The following FAM107B variants were observed in gnomAD, a reference collection of about 807,000 sequenced individuals.
The protein encoded by FAM107B is family with sequence similarity 107 member B, also known as protein FAM107B.
FAM107B carries 21 observed loss-of-function variants against 31.5 expected under a neutral mutation model. The observed-to-expected ratio is 0.67, with a 90% CI of 0.47 to 0.96. The LOEUF (loss-of-function observed/expected upper bound fraction) is 0.96. Among genes scored for constraint, FAM107B ranks in the 40% least tolerant of loss-of-function variants. The probability of loss-of-function intolerance (pLI) is 0.00; values close to 1 mark genes in which losing one functional copy is unlikely to be tolerated. For synonymous variants in FAM107B, 157 were observed against 141.5 expected (o/e 1.11, Z -0.78); for missense variants, 452 against 377.1 (o/e 1.20, Z -1.64).
intron 1 of FAM107B, among the ~76,000 whole-genome samples, chr10:14,683,626 C>G (rs988867305): frequency 1.3e-5 from 2 of 152,168 alleles, no homozygotes; most frequent in African/African-American, 2.4e-5. Context: ...GTTGTCTATA[C>G]TGATGAGCTG....
chr10:14,672,100 A>ATTT (rs1269755073), intron 1 of FAM107B, among the ~76,000 whole-genome samples: 1 of 6,040 alleles, frequency 1.7e-4, no homozygotes, highest in African/African-American at 4.0e-4. Context: ...TTTTTTATTT[A>ATTT]TTTATTTTTT....
At chr10:14,772,077 C>T (rs868074670) in intron 1 of FAM107B, among the ~76,000 whole-genome samples, 2 of 152,094 alleles carry the variant, frequency 1.3e-5, no homozygotes, top group African/African-American at 2.4e-5. Context: ...ATGCACTGGC[C>T]GGGCATGGTG....
In FAM107B at chr10:14,774,466, G is replaced by C; in HGVS notation, c.198C>G (p.His66Gln). The change falls in exon 1 of 5, where the codon CAC (histidine) becomes CAG (glutamine). Residue 66 changes from histidine to glutamine, a missense_variant. Transcript: ENST00000181796. Reference sequence around the variant, plus strand: ...TCTCTGGAGCTCCTTCTGCGCTTGGGTGTCTTGGCTGTCTGCCTGCTTTGG... The same window carrying C: ...TCTCTGGAGCTCCTTCTGCGCTTGGCTGTCTTGGCTGTCTGCCTGCTTTGG... ...PVAKAGRQPR[H>Q]PSAEGAPEKR... 1 of 1,614,186 alleles carries C rather than the reference G, an allele frequency of 6.2e-7. No individual in the cohort carries two copies.
At chr10:14,563,952 A>C (rs2131196220) in intron 2 of FAM107B, among the ~76,000 whole-genome samples, 1 of 147,470 alleles carries the variant, frequency 6.8e-6, no homozygotes, top group East Asian at 2.0e-4. Context: ...AATGTGAAAC[A>C]TTCATCTCAT....
intron 2 of FAM107B, among the ~76,000 whole-genome samples, chr10:14,586,653 C>A (rs2131325384): frequency 6.6e-6 from 1 of 152,298 alleles, no homozygotes; most frequent in South Asian, 2.1e-4. Context: ...ACCAAATCTG[C>A]CAGCATCTTT....
intron 2 of FAM107B, chr10:14,572,336 G>T: frequency 1.0e-6 from 1 of 985,438 alleles, no homozygotes; most frequent in Non-Finnish European, 1.2e-6. Context: ...CTCCAGCCCT[G>T]GGTGGGTACC....
At chr10:14,548,184 G>A (rs192516372) in intron 2 of FAM107B, among the ~76,000 whole-genome samples, 2 of 152,218 alleles carry the variant, frequency 1.3e-5, no homozygotes, top group African/African-American at 4.8e-5. Context: ...GGGGAGCACA[G>A]GGTGGGCCTG....
intron 2 of FAM107B, among the ~76,000 whole-genome samples, chr10:14,597,328 T>C (rs949290934): frequency 2.7e-5 from 4 of 148,374 alleles, no homozygotes; most frequent in African/African-American, 1.0e-4. Context: ...ACCAGATACC[T>C]TAAAACTTGG....
In FAM107B at chr10:14,636,155, C is replaced by T. The variant is rs567986605; in HGVS notation, c.469+31479G>A. On this transcript the variant is annotated intron_variant, in intron 2 of 4. Transcript: ENST00000181796. ...TGGCTTCAGGATTGGCTACCTTCAC[C>T]AATCAATCTGAGCACCCCTCATCCC... 4.6e-5 allele frequency among the ~76,000 whole-genome samples: 7 copies of T among 151,988 alleles called. No individual in the cohort carries two copies. In the South Asian group the frequency reaches 1.5e-3, roughly 32 times the overall value.
intron 2 of FAM107B, among the ~76,000 whole-genome samples, chr10:14,589,034 T>G (rs948050147): frequency 5.9e-5 from 9 of 151,420 alleles, no homozygotes; most frequent in African/African-American, 2.2e-4. Flanking sequence ...ATACAAAAAT[T>G]AGCCGGGTGT....
intron 2 of FAM107B, among the ~76,000 whole-genome samples, chr10:14,640,769 G>C (rs1249094536): frequency 1.3e-5 from 2 of 152,126 alleles, no homozygotes; most frequent in Non-Finnish European, 1.5e-5. Flanking sequence ...TAGTCAAACT[G>C]TTCATTGTCA....
intron 2 of FAM107B, among the ~76,000 whole-genome samples, chr10:14,574,778 C>T (rs549706017): frequency 3.3e-5 from 5 of 152,284 alleles, no homozygotes; most frequent in African/African-American, 1.2e-4. Flanking sequence ...CCCAAAGCAT[C>T]TCCACCCCCA....
At chr10:14,711,427 C>G (rs759719180) in intron 1 of FAM107B, among the ~76,000 whole-genome samples, 1 of 152,096 alleles carries the variant, frequency 6.6e-6, no homozygotes, top group Admixed American at 6.5e-5. Flanking sequence ...CCTTTTCTTA[C>G]GTTTAGATAC....
chr10:14,554,491 G>C (rs1358148165), intron 2 of FAM107B, among the ~76,000 whole-genome samples: 1 of 152,230 alleles, frequency 6.6e-6, no homozygotes, highest in Non-Finnish European at 1.5e-5. Context: ...CCACCCAACA[G>C]AAGGGAGGCA....
intron 2 of FAM107B, among the ~76,000 whole-genome samples, chr10:14,666,286 G>A (rs1019753015): frequency 1.7e-4 from 26 of 152,104 alleles, no homozygotes; most frequent in African/African-American, 6.3e-4. Context: ...GGAGGACTCG[G>A]GAAACTTACA....
At chr10:14,711,731 C>T (rs1564633439) in intron 1 of FAM107B, among the ~76,000 whole-genome samples, 1 of 152,186 alleles carries the variant, frequency 6.6e-6, no homozygotes, top group Admixed American at 6.5e-5. Flanking sequence ...GCAACCTCCG[C>T]CTCCCAGGTT....
intron 2 of FAM107B, among the ~76,000 whole-genome samples, chr10:14,647,854 G>A (rs2131442613): frequency 6.6e-6 from 1 of 152,202 alleles, no homozygotes; most frequent in Non-Finnish European, 1.5e-5. Flanking sequence ...AGATGCCAAG[G>A]CAATGCGGTA....
intron 1 of FAM107B, among the ~76,000 whole-genome samples, chr10:14,702,826 G>T (rs1855431942): frequency 6.6e-6 from 1 of 152,058 alleles, no homozygotes; most frequent in South Asian, 2.1e-4. Flanking sequence ...ACAGACACTG[G>T]AAGAGGCTTC....
intron 1 of FAM107B, among the ~76,000 whole-genome samples, chr10:14,767,949 G>A (rs1564296414): frequency 6.6e-6 from 1 of 152,024 alleles, no homozygotes; most frequent in Non-Finnish European, 1.5e-5. Context: ...AATAAATTCA[G>A]CAAAATTGTA....
Sources: allele counts gnomAD v4.1 joint callset (sites outside exome capture counted in the v4.1 genomes callset), GRCh38; gene constraint gnomAD v4.1.1; transcripts MANE v1.5; gene names NCBI Gene and HGNC (gene_info 2026-07-23, HGNC 2026-07-21).